VPS13D: variants seen among roughly 807,000 people sequenced by gnomAD.
The protein encoded by VPS13D is intermembrane lipid transfer protein VPS13D.
A neutral mutation model predicts 461.9 loss-of-function variants in VPS13D; 187 were observed. The observed-to-expected ratio is 0.40, with a 90% CI of 0.36 to 0.46. VPS13D has a LOEUF of 0.46. Among genes scored for constraint, VPS13D ranks in the 20% least tolerant of loss-of-function variants. The pLI is 0.60. For synonymous variants in VPS13D, 1,951 were observed against 1,986.3 expected (o/e 0.98, Z 0.47); for missense variants, 4,711 against 5,364.9 (o/e 0.88, Z 3.81).
chr1:12,238,528 T>G (rs1223914288), intron 2 of VPS13D, among the ~76,000 whole-genome samples: 2 of 151,826 alleles, frequency 1.3e-5, no homozygotes, highest in Non-Finnish European at 2.9e-5. Flanking sequence ...CCTCAAAAAT[T>G]GAGAAACTAA....
chr1:12,422,737 C>T (rs1004220464), intron 65 of VPS13D, among the ~76,000 whole-genome samples: 3 of 152,102 alleles, frequency 2.0e-5, no homozygotes, highest in African/African-American at 7.2e-5. Flanking sequence ...GTATGTTAAG[C>T]TCTATTCTGC....
intron 21 of VPS13D, 59 bp downstream of exon 21, chr1:12,283,795 T>G (rs1641883563): frequency 3.4e-6 from 5 of 1,482,800 alleles, no homozygotes; most frequent in African/African-American, 1.4e-5. Flanking sequence ...GCTTGTTGAT[T>G]TAAATACAAG....
At chr1:12,273,537 T>A (rs969109542) in intron 18 of VPS13D, among the ~76,000 whole-genome samples, 1 of 152,230 alleles carries the variant, frequency 6.6e-6, no homozygotes, top group African/African-American at 2.4e-5. Flanking sequence ...TGAAACTCTG[T>A]GTGTACCCAT....
chr1:12,256,576 G>C (rs547254439), intron 8 of VPS13D, 73 bp downstream of exon 8: 1 of 1,526,156 alleles, frequency 6.6e-7, no homozygotes, highest in African/African-American at 1.4e-5. Flanking sequence ...TGATATTAAC[G>C]TATCCTCAGC....
At chr1:12,368,044 T>C (rs1401715807) in intron 52 of VPS13D, among the ~76,000 whole-genome samples, 1 of 152,226 alleles carries the variant, frequency 6.6e-6, no homozygotes, top group African/African-American at 2.4e-5. Flanking sequence ...GTGCTGGGAT[T>C]ATAGGTGTGA....
chr1:12,253,761 G>T lies in VPS13D; in HGVS notation c.604G>T (p.Glu202Ter). The T allele has an allele frequency of 2.5e-6, 4 of 1,614,152 alleles. No homozygotes were observed. The highest frequency in any genetic ancestry group is 3.4e-6 in the Non-Finnish European group (4 of 1,180,014). The change falls in exon 7 of 70, where the codon GAA becomes TAA. Residue 202 changes from glutamate to a stop codon, truncating the protein, a stop_gained. Transcript: ENST00000620676. LOFTEE classifies it high-confidence loss of function. ...LMRKKQLDVA[E>*]FSIYWDVDCT... ...GCGGAAAAAGCAATTAGACGTAGCA[G>T]AATTTAGCATCTATTGGGATGTCGA...
intron 68 of VPS13D, among the ~76,000 whole-genome samples, chr1:12,506,511 C>T (rs148473721): frequency 1.0e-3 from 154 of 152,310 alleles, no homozygotes; most frequent in African/African-American, 3.3e-3. Context: ...CAGCTTTCAG[C>T]GCCCCCAGCT....
At chr1:12,503,266 G>C (rs1034876897) in intron 68 of VPS13D, among the ~76,000 whole-genome samples, 1 of 152,170 alleles carries the variant, frequency 6.6e-6, no homozygotes, top group South Asian at 2.1e-4. Context: ...TCTCTCAGAA[G>C]AAACTTTCTG....
intron 27 of VPS13D, among the ~76,000 whole-genome samples, chr1:12,309,653 C>T (rs747580548): frequency 4.5e-4 from 68 of 149,670 alleles, no homozygotes; most frequent in Non-Finnish European, 7.3e-4. Flanking sequence ...TCCCAGCTAC[C>T]GGGAAGGCTG....
At chr1:12,317,307 G>A (rs746156797) in intron 30 of VPS13D, among the ~76,000 whole-genome samples, 2 of 151,988 alleles carry the variant, frequency 1.3e-5, no homozygotes, top group Non-Finnish European at 2.9e-5. Flanking sequence ...CATTTTATAA[G>A]TAGGGAAACA....
rs1317415883 is a variant in VPS13D at position 12,277,381 on chromosome 1, G to A, written c.3793G>A (p.Ala1265Thr). The A allele has an allele frequency of 2.5e-6, 4 of 1,614,084 alleles. No homozygotes were observed. The highest frequency in any genetic ancestry group is 2.5e-6 in the Non-Finnish European group (3 of 1,180,036). ...TGTGTTTGTCAGAATGGAAGATGCA[G>A]CCCTCACTGAAGCTTTGAGTTTCAC... ...ESVFVRMEDA[A>T]LTEALSFTFV... The change falls in exon 19 of 70, where the codon GCC becomes ACC. Residue 1265 changes from alanine to threonine, a missense_variant. By Grantham distance (58) the Ala-to-Thr change is moderately conservative. Coordinates refer to ENST00000620676, the MANE Select transcript of VPS13D (RefSeq NM_015378.4).
Position 12,244,548 on chromosome 1 carries a change from G to T in VPS13D, c.378G>T (p.Gln126His). ...ALEEKWKNDR[Q>H]QKGESYWYSV... is the part of the protein sequence containing the mutation. ...TCTTGTCTTTGTAGAATGACCGCCAGCAGAAAGGGGAGTCCTATTGGTATT... is the reference window on the plus strand; with the variant it reads ...TCTTGTCTTTGTAGAATGACCGCCATCAGAAAGGGGAGTCCTATTGGTATT... Residue 126 changes from glutamine to histidine, a missense_variant, in exon 5 of 70, where the codon CAG becomes CAT. This residue lies in a region of VPS13D where 4,411 missense variants were observed against 4,937.8 expected (regional missense o/e 0.89). Transcript: ENST00000620676. 6.2e-7 allele frequency: 1 copy of T among 1,614,232 alleles called. No homozygotes were observed. The highest frequency in any genetic ancestry group is 8.5e-7 in the Non-Finnish European group (1 of 1,180,036).
chr1:12,276,506 G>C lies in VPS13D; in HGVS notation c.2918G>C (p.Arg973Pro). The change falls in exon 19 of 70, where the codon CGG becomes CCG. Residue 973 changes from arginine to proline, a missense_variant. This residue lies in a region of VPS13D where 4,411 missense variants were observed against 4,937.8 expected (regional missense o/e 0.89). Transcript: ENST00000620676. This position sits in a 1 kb window ranked among gnomAD's most constrained non-coding sequence, Gnocchi z 4.5. ...CAGCTTGGTGTTGAGAGCAATGGCC[G>C]GTACATTTCTGTGCTCAAGGTGTTT... ...CMQLGVESNGRYISVLKVFGT... is the reference protein window; with the variant it reads ...CMQLGVESNGPYISVLKVFGT... 1.2e-6 allele frequency: 2 copies of C among 1,614,086 alleles called. No homozygotes were observed. Among genetic ancestry groups the C allele is most frequent in the Non-Finnish European group, 1.7e-6 (2 of 1,180,018 alleles).
chr1:12,425,688 G>A (rs1644916099), intron 65 of VPS13D, among the ~76,000 whole-genome samples: 1 of 143,356 alleles, frequency 7.0e-6, no homozygotes, highest in Non-Finnish European at 1.5e-5. Context: ...TACCCAATAG[G>A]AAGGAAGGAA....
chr1:12,233,887 AAAT>A (rs59974917), intron 1 of VPS13D, among the ~76,000 whole-genome samples: 5,177 of 152,144 alleles, frequency 0.034, 286 homozygotes, highest in African/African-American at 0.12. Context: ...TCTCTACTAA[AAAT>A]ACAAAAAATC....
Position 12,385,381 on chromosome 1 carries a change from C to G in VPS13D, c.11484+8C>G, listed in dbSNP as rs759827740. 4.5e-5 allele frequency: 72 copies of G among 1,591,524 alleles called. No individual in the cohort carries two copies. The highest frequency in any genetic ancestry group is 5.4e-5 in the Non-Finnish European group (63 of 1,169,556). On this transcript the variant is annotated splice_region_variant and intron_variant, in intron 59 of 69. Transcript: ENST00000620676. Reference sequence around the variant, plus strand: ...ACAGAGCAGGAATTGGAAGTAAGGTCTAAATATTGTGAATTTATTTATTTG... The same window carrying G: ...ACAGAGCAGGAATTGGAAGTAAGGTGTAAATATTGTGAATTTATTTATTTG...
Position 12,460,367 on chromosome 1 carries a change from G to T in VPS13D, c.12633G>T (p.Val4211=). Residue 4211 remains valine (V), a synonymous_variant, in exon 67 of 70, where the codon GTG becomes GTT. Coordinates refer to ENST00000620676, the MANE Select transcript of VPS13D (RefSeq NM_015378.4). ...LDFASETAQA[V]RDTATLSGPR... ...TTGCATCAGAAACAGCCCAGGCGGTGAGAGACACAGCCACACTCAGCGGCC... is the reference window on the plus strand; with the variant it reads ...TTGCATCAGAAACAGCCCAGGCGGTTAGAGACACAGCCACACTCAGCGGCC... 1.9e-6 allele frequency: 3 copies of T among 1,609,226 alleles called. No individual in the cohort carries two copies. In the South Asian group the frequency reaches 3.3e-5, roughly 18 times the overall value.
At chr1:12,492,329 A>G (rs945848352) in intron 67 of VPS13D, among the ~76,000 whole-genome samples, 2 of 152,270 alleles carry the variant, frequency 1.3e-5, no homozygotes, top group South Asian at 4.1e-4. Context: ...TGAAAAAACA[A>G]TAAGAAGACA....
chr1:12,395,096 G>A (rs919720965), intron 60 of VPS13D, among the ~76,000 whole-genome samples: 21 of 151,746 alleles, frequency 1.4e-4, no homozygotes, highest in African/African-American at 5.1e-4. Context: ...GCAAACAGGG[G>A]TGTTGGGGGT....
Sources: allele counts gnomAD v4.1 joint callset (sites outside exome capture counted in the v4.1 genomes callset), GRCh38; gene constraint gnomAD v4.1.1; regional missense constraint gnomAD v4.1.1; non-coding constraint Gnocchi (gnomAD v3.1); transcripts MANE v1.5; gene names NCBI Gene and HGNC (gene_info 2026-07-23, HGNC 2026-07-21).